The following ATP1A4 variants were observed in gnomAD, a reference collection of about 807,000 sequenced individuals.
ATP1A4 encodes the protein ATPase Na+/K+ transporting subunit alpha 4, also known as sodium/potassium-transporting ATPase subunit alpha-4.
Under a neutral mutation model 114.3 loss-of-function variants are expected in ATP1A4, and 90 were observed. The ratio of observed to expected loss-of-function variants is 0.79; its 90% CI spans 0.66 to 0.94. ATP1A4 has a LOEUF of 0.94. Ranked by LOEUF, ATP1A4 falls within the 40% of genes least tolerant of loss-of-function variation. The pLI is 0.00. For synonymous variants in ATP1A4, 511 were observed against 494.1 expected, an observed-to-expected ratio of 1.03 and a Z score of -0.45; for missense variants, 1,222 against 1,313.6, an observed-to-expected ratio of 0.93 and a Z score of 1.08.
In ATP1A4 at chr1:160,166,592, C is replaced by T. The variant is rs369966942; in HGVS notation, c.1112C>T (p.Ala371Val). Residue 371 changes from alanine (A) to valine (V), a missense_variant, in exon 8 of 22, where the codon GCG (alanine) becomes GTG (valine). Physicochemically the swap from Ala to Val is moderately conservative, Grantham distance 64. Coordinates refer to ENST00000368081, the MANE Select transcript of ATP1A4 (RefSeq NM_144699.4). The stretch of plus-strand genomic sequence containing the variant: ...AACTGCCTGGTGAAGAACCTGGAGG[C>T]GGTGGAGACGCTGGGCTCCACGTCC... ...RKNCLVKNLEAVETLGSTSTI... is the reference protein window; with the variant it reads ...RKNCLVKNLEVVETLGSTSTI... The T allele has an allele frequency of 1.3e-5, 21 of 1,614,092 alleles. No homozygotes were observed. The highest frequency in any genetic ancestry group is 6.7e-5 in the African/African-American group (5 of 74,932).
chr1:160,177,197 A>G (rs1428160397), intron 17 of ATP1A4, among the ~76,000 whole-genome samples: 1 of 152,190 alleles, frequency 6.6e-6, no homozygotes, highest in Non-Finnish European at 1.5e-5. Flanking sequence ...TGAGTGATGA[A>G]CAGAGTAAGA....
intron 7 of ATP1A4, 50 bp downstream of exon 7, chr1:160,164,474 G>A (rs747057750): frequency 6.3e-7 from 1 of 1,594,744 alleles, no homozygotes; most frequent in South Asian, 1.1e-5. Context: ...ACCACCCCAG[G>A]GAAAAGGGAT....
chr1:160,182,156 C>A, intron 20 of ATP1A4, 125 bp downstream of exon 20: 1 of 747,178 alleles, frequency 1.3e-6, no homozygotes, highest in Non-Finnish European at 2.4e-6. Flanking sequence ...TACATGTACA[C>A]TCAGTGATAC....
In ATP1A4 at chr1:160,177,641, G is replaced by A. The variant is rs768634735; in HGVS notation, c.2713G>A (p.Glu905Lys). 3 of 1,614,224 alleles carry A rather than the reference G, an allele frequency of 1.9e-6. No individual in the cohort carries two copies. In the South Asian group the frequency reaches 3.3e-5, roughly 18 times the overall value. Residue 905 changes from glutamate (E) to lysine (K), a missense_variant, in exon 18 of 22, where the codon GAG (glutamate) becomes AAG (lysine). Glu to Lys is a moderately conservative substitution (Grantham distance 56, BLOSUM62 1). Transcript: ENST00000368081. ...GGAAGATAAATACTTGAATGACCTG[G>A]AGGACAGCTACGGACAGCAGTGGGT... The part of the protein sequence containing the change: ...HWEDKYLNDL[E>K]DSYGQQWTYE...
intron 1 of ATP1A4, among the ~76,000 whole-genome samples, chr1:160,152,917 C>T (rs541095628): frequency 6.6e-6 from 1 of 152,142 alleles, no homozygotes; most frequent in East Asian, 1.9e-4. Flanking sequence ...CCCTGTAATC[C>T]CAGCTGCTTG....
At chr1:160,165,367 A>G (rs1166940368) in intron 7 of ATP1A4, among the ~76,000 whole-genome samples, 2 of 152,238 alleles carry the variant, frequency 1.3e-5, no homozygotes, top group African/African-American at 4.8e-5. Context: ...CTTGACTTAC[A>G]TTGCCTTCAC....
chr1:160,186,575 C>T, intron 21 of ATP1A4, 96 bp from the exon 22 acceptor site: 1 of 1,428,612 alleles, frequency 7.0e-7, no homozygotes. Context: ...CCAGACCTCC[C>T]ACCTCCAACC....
At chr1:160,185,108 CTTT>C (rs34234271) in intron 20 of ATP1A4, among the ~76,000 whole-genome samples, 3 of 142,006 alleles carry the variant, frequency 2.1e-5, no homozygotes, top group African/African-American at 2.6e-5. Flanking sequence ...TCATCATTGG[CTTT>C]TTTTTTTTTT....
At chr1:160,177,295 T>C (rs545034495) in intron 17 of ATP1A4, 142 of 503,508 alleles carry the variant, frequency 2.8e-4, no homozygotes, top group Middle Eastern at 1.0e-3. Context: ...CAAAGCTGAC[T>C]CTGGGTCAGA....
Position 160,186,313 on chromosome 1 carries a change from C to T in ATP1A4, c.3007C>T (p.Leu1003Phe). ...WWLCAIPYSI[L>F]IFVYDEIRKL... ...GCTCTGTGCCATTCCCTACAGTATT[C>T]TCATCTTCGTCTATGATGAAATCAG... is the stretch of plus-strand genomic sequence containing the variant. The change falls in exon 21 of 22, where the codon CTC (leucine) becomes TTC (phenylalanine). Residue 1003 changes from leucine (L) to phenylalanine (F), a missense_variant. Leu to Phe is a conservative substitution (Grantham distance 22, BLOSUM62 0). Coordinates refer to ENST00000368081, the MANE Select transcript of ATP1A4 (RefSeq NM_144699.4). The T allele has an allele frequency of 6.2e-7, 1 of 1,613,718 alleles. No individual in the cohort carries two copies. The highest frequency in any genetic ancestry group is 8.5e-7 in the Non-Finnish European group (1 of 1,179,984).
Position 160,174,749 on chromosome 1 carries a change from T to A in ATP1A4, c.2311+2T>A. ...CCATCGTCACGGGGGTGGAGGAGGG[T>A]GAGGAGGCAGGGTGCCCATGGTGGA... On this transcript the variant is annotated splice_donor_variant, in intron 15 of 21. Transcript: ENST00000368081. LOFTEE classifies it high-confidence loss of function. 6.2e-7 allele frequency: 1 copy of A among 1,613,554 alleles called. No homozygotes were observed.
intron 11 of ATP1A4, 70 bp from the exon 12 acceptor site, chr1:160,171,515 A>T: frequency 6.3e-7 from 1 of 1,599,484 alleles, no homozygotes; most frequent in Non-Finnish European, 8.5e-7. Context: ...GAAATCAAGG[A>T]TGTTGGGGTA....
At chr1:160,183,547 AAC>A (rs1408799136) in intron 20 of ATP1A4, 2 of 152,106 alleles carry the variant, frequency 1.3e-5, no homozygotes, top group Non-Finnish European at 2.9e-5. Flanking sequence ...CCCAATACCT[AAC>A]ACAGACACAG....
intron 17 of ATP1A4, among the ~76,000 whole-genome samples, 190 bp downstream of exon 17, chr1:160,176,792 A>G (rs1163824569): frequency 6.6e-6 from 1 of 152,260 alleles, no homozygotes; most frequent in Non-Finnish European, 1.5e-5. Context: ...AGGAACAAAC[A>G]TACATAAAAT....
At chr1:160,173,104 G>C (rs1653325535) in intron 12 of ATP1A4, among the ~76,000 whole-genome samples, 1 of 152,146 alleles carries the variant, frequency 6.6e-6, no homozygotes, top group Admixed American at 6.5e-5. Context: ...CTAGGTACCA[G>C]GTATCCAAAA....
chr1:160,169,219 C>T (rs988959653), intron 10 of ATP1A4, among the ~76,000 whole-genome samples: 5 of 152,254 alleles, frequency 3.3e-5, no homozygotes, highest in Admixed American at 6.5e-5. Context: ...TTGCAAGAGA[C>T]ATCTCAGACT....
In ATP1A4 at chr1:160,171,306, G is replaced by A. The variant is rs1653245939; in HGVS notation, c.1547G>A (p.Gly516Asp). Residue 516 changes from glycine (G) to aspartate (D), a missense_variant, in exon 11 of 22, where the codon GGT becomes GAT. Gly to Asp is a moderately conservative substitution (Grantham distance 94). Transcript: ENST00000368081. ...SSQTHVLMMKGAPERILEFCS... is the reference protein window; with the variant it reads ...SSQTHVLMMKDAPERILEFCS... ...CAGACCCACGTACTGATGATGAAGG[G>A]TGCTCCGGAGAGGATCTTGGAGTTT... is the stretch of plus-strand genomic sequence containing the variant. 5 of 1,613,952 alleles carry A rather than the reference G, an allele frequency of 3.1e-6. 1 individual carries two copies. Among genetic ancestry groups the A allele is most frequent in the African/African-American group, 1.3e-5 (1 of 74,880 alleles).
At chr1:160,155,304 C>G (rs1652609539) in intron 3 of ATP1A4, 56 bp downstream of exon 3, 8 of 1,489,386 alleles carry the variant, frequency 5.4e-6, no homozygotes, top group African/African-American at 1.4e-5. Flanking sequence ...CCCAGACACT[C>G]TTTTGCTCAG....
chr1:160,158,988 C>T lies in ATP1A4; in HGVS notation c.526-14C>T. On this transcript the variant is annotated splice_polypyrimidine_tract_variant and intron_variant, in intron 4 of 21. Coordinates refer to ENST00000368081, the MANE Select transcript of ATP1A4 (RefSeq NM_144699.4). Reference sequence around the variant, plus strand: ...CAAAAGTTTTGGAAATGATCCTGCACTATCCTCTCATAGCAAGCTCTGGTA... The same window carrying T: ...CAAAAGTTTTGGAAATGATCCTGCATTATCCTCTCATAGCAAGCTCTGGTA... The T allele has an allele frequency of 6.2e-7, 1 of 1,612,590 alleles. No individual in the cohort carries two copies. The highest frequency in any genetic ancestry group is 1.3e-5 in the African/African-American group (1 of 75,010).
Sources: allele counts gnomAD v4.1 joint callset (sites outside exome capture counted in the v4.1 genomes callset), GRCh38; gene constraint gnomAD v4.1.1; transcripts MANE v1.5; gene names NCBI Gene and HGNC (gene_info 2026-07-23, HGNC 2026-07-21).